Variants in TMPRSS3 observed in about 807,000 individuals in gnomAD.
TMPRSS3 encodes transmembrane serine protease 3.
TMPRSS3 carries 55 observed loss-of-function variants against 59.6 expected under a neutral mutation model. That is an observed-to-expected ratio of 0.92 (90% CI 0.74 to 1.16). TMPRSS3 has a LOEUF of 1.16. TMPRSS3 is among the 50% of genes most tolerant of loss of function. TMPRSS3 has a pLI of 0.00. For missense variants in TMPRSS3, 596 were observed against 579.4 expected (o/e 1.03, Z -0.29); for synonymous variants, 257 against 237.7 (o/e 1.08, Z -0.75).
chr21:42,389,055 G>T lies in TMPRSS3; in HGVS notation c.206-10C>A. On this transcript the variant is annotated splice_polypyrimidine_tract_variant and intron_variant, in intron 3 of 12. Transcript: ENST00000644384. Reference sequence around the variant, plus strand: ...GAGCAGTCGAAGTGGACTGGGAAAAGGGAGGAAGGCAGGAATTAACCAACA... The same window carrying T: ...GAGCAGTCGAAGTGGACTGGGAAAATGGAGGAAGGCAGGAATTAACCAACA... The T allele has an allele frequency of 6.2e-7, 1 of 1,614,026 alleles. No individual in the cohort carries two copies. Among genetic ancestry groups the T allele is most frequent in the Non-Finnish European group, 8.5e-7 (1 of 1,180,008 alleles).
intron 3 of TMPRSS3, 156 bp from the exon 4 acceptor site, chr21:42,389,201 G>T: frequency 1.3e-6 from 2 of 1,488,870 alleles, no homozygotes; most frequent in Non-Finnish European, 1.8e-6. Flanking sequence ...CTGCAGCCCA[G>T]TTTCTGTTTT....
intron 9 of TMPRSS3, among the ~76,000 whole-genome samples, chr21:42,381,386 G>A (rs897314405): frequency 6.6e-6 from 1 of 152,154 alleles, no homozygotes; most frequent in Non-Finnish European, 1.5e-5. Flanking sequence ...AGAAATGAGA[G>A]GACTCCACCA....
intron 7 of TMPRSS3, 73 bp from the exon 8 acceptor site, chr21:42,383,271 A>C: frequency 2.0e-6 from 3 of 1,509,408 alleles, no homozygotes; most frequent in Admixed American, 1.7e-5. Context: ...ACCACCATGC[A>C]CCTGCTCCTC....
intron 2 of TMPRSS3, among the ~76,000 whole-genome samples, chr21:42,392,146 G>T (rs1224794538): frequency 3.3e-5 from 5 of 152,216 alleles, no homozygotes; most frequent in African/African-American, 1.2e-4. Flanking sequence ...TCTTGGACAT[G>T]TTGAGCCGAG....
At position 42,385,846 on chromosome 21, in the gene TMPRSS3, G is replaced by A. The variant is rs117128071; in HGVS notation, c.447-312C>T. 5.9e-5 allele frequency among the ~76,000 whole-genome samples: 9 copies of A among 152,264 alleles called. No homozygotes were observed. The East Asian group carries it at 1.4e-3, about 23-fold the overall frequency. ...TGTCCTTGGTTGAGTCACTCTTTGC[G>A]CATTCCAGTGAAATGCCTTTTGCTT... On this transcript the variant is annotated intron_variant, in intron 5 of 12. Coordinates refer to ENST00000644384, the MANE Select transcript of TMPRSS3 (RefSeq NM_001256317.3).
chr21:42,394,841 A>T (rs2052781545), intron 2 of TMPRSS3, among the ~76,000 whole-genome samples: 1 of 152,222 alleles, frequency 6.6e-6, no homozygotes, highest in Non-Finnish European at 1.5e-5. Context: ...TTTATCAGGC[A>T]TTTGTGACTT....
chr21:42,391,229 G>T (rs1014307285), intron 2 of TMPRSS3, among the ~76,000 whole-genome samples: 3 of 152,208 alleles, frequency 2.0e-5, no homozygotes, highest in African/African-American at 7.2e-5. Context: ...TTTTCTTATA[G>T]AGATGGGGAT....
intron 1 of TMPRSS3, 87 bp downstream of exon 1, chr21:42,395,855 A>T: frequency 2.2e-6 from 1 of 456,236 alleles, no homozygotes; most frequent in Admixed American, 2.4e-5. Context: ...CTTTTTTGCG[A>T]TTGTTTTCAC....
At position 42,395,475 on chromosome 21, in the gene TMPRSS3, C is replaced by A. The variant is rs4920100; in HGVS notation, c.-51-7G>T. 1.1e-5 allele frequency: 15 copies of A among 1,405,216 alleles called. No homozygotes were observed. The highest frequency in any genetic ancestry group is 1.0e-4 in the Admixed American group (6 of 58,432). The allele number at this position is 1,405,216 out of a possible 1,614,324, so 87.0% of individuals were successfully genotyped here. ...CCGCCTCCACCTCTACCTCCTTAGC[C>A]GAGGAAGAACAGAAAGCATTTGTTC... On this transcript the variant is annotated splice_polypyrimidine_tract_variant and splice_region_variant and intron_variant, in intron 1 of 12. Transcript: ENST00000644384.
At position 42,372,547 on chromosome 21, in the gene TMPRSS3, G is replaced by A. The variant is rs776179259; in HGVS notation, c.*215C>T. 4.1e-5 allele frequency: 28 copies of A among 684,598 alleles called. No homozygotes were observed. Among genetic ancestry groups the A allele is most frequent in the Middle Eastern group, 3.8e-4 (1 of 2,632 alleles). 42.4% of individuals were successfully genotyped at this position (684,598 alleles called of 1,614,324 possible). On this transcript the variant is annotated 3_prime_UTR_variant, in exon 13 of 13. Coordinates refer to ENST00000644384, the MANE Select transcript of TMPRSS3 (RefSeq NM_001256317.3). ...TGCACTCCAGCCTGGGCAACAGAGCGAGACTCCATCTCAAAAAAACAAAAA... is the reference window on the plus strand; with the variant it reads ...TGCACTCCAGCCTGGGCAACAGAGCAAGACTCCATCTCAAAAAAACAAAAA...
intron 5 of TMPRSS3, among the ~76,000 whole-genome samples, chr21:42,387,630 T>C (rs2052657776): frequency 6.6e-6 from 1 of 152,110 alleles, no homozygotes; most frequent in Non-Finnish European, 1.5e-5. Flanking sequence ...ACTGAGACTC[T>C]GTGGAGGACT....
intron 2 of TMPRSS3, among the ~76,000 whole-genome samples, chr21:42,394,785 TG>T (rs1220495441): frequency 6.6e-6 from 1 of 152,218 alleles, no homozygotes; most frequent in Non-Finnish European, 1.5e-5. Context: ...TGACTATCTC[TG>T]GTCAAAAAGA....
chr21:42,376,766 T>G (rs2052437573), intron 10 of TMPRSS3, 83 bp from the exon 11 acceptor site: 5 of 1,599,544 alleles, frequency 3.1e-6, no homozygotes, highest in Non-Finnish European at 4.3e-6. Flanking sequence ...ACCAGGGGGG[T>G]GAGGGAACGA....
chr21:42,378,197 C>T (rs1047347879), intron 10 of TMPRSS3, among the ~76,000 whole-genome samples: 10 of 152,366 alleles, frequency 6.6e-5, no homozygotes, highest in Non-Finnish European at 1.0e-4. Context: ...TGAGTGCCCT[C>T]GGCCAGGTGG....
intron 8 of TMPRSS3, 81 bp from the exon 9 acceptor site, chr21:42,382,315 A>G: frequency 1.5e-6 from 2 of 1,313,080 alleles, no homozygotes; most frequent in Non-Finnish European, 1.1e-6. Context: ...CTGAAAACCT[A>G]GGAAGATGGT....
At position 42,383,926 on chromosome 21, in the gene TMPRSS3, A is replaced by T. The variant is rs753256382; in HGVS notation, c.616+44T>A. The T allele has an allele frequency of 8.1e-6, 13 of 1,605,720 alleles. No homozygotes were observed. The Admixed American group carries it at 2.0e-4, about 25-fold the overall frequency. ...TGAGGGCAAGGAGATAGGACTTAGC[A>T]TGTGCTTGCTCCCCCTGGACCCCTG... On this transcript the variant is annotated intron_variant, in intron 7 of 12. Coordinates refer to ENST00000644384, the MANE Select transcript of TMPRSS3 (RefSeq NM_001256317.3).
At chr21:42,382,036 T>C (rs765982219) in intron 9 of TMPRSS3, 29 bp downstream of exon 9, 5 of 1,614,182 alleles carry the variant, frequency 3.1e-6, no homozygotes, top group Non-Finnish European at 3.4e-6. Flanking sequence ...AAGGAAGAGC[T>C]GCAGAACCAC....
chr21:42,384,966 A>G (rs2052600482), intron 6 of TMPRSS3, among the ~76,000 whole-genome samples: 1 of 143,468 alleles, frequency 7.0e-6, no homozygotes, highest in South Asian at 2.3e-4. Flanking sequence ...ATGCTAAAAT[A>G]CTTCGTAAAC....
chr21:42,384,034 G>C, intron 6 of TMPRSS3, 21 bp from the exon 7 acceptor site: 1 of 1,613,394 alleles, frequency 6.2e-7, no homozygotes. Flanking sequence ...GAAAAAGTAG[G>C]CTCTGTGAAA....
Sources: gnomAD v4.1 joint callset for allele counts (sites outside exome capture counted in the v4.1 genomes callset) on GRCh38, gnomAD v4.1.1 for gene constraint, MANE v1.5 for transcripts, NCBI Gene and HGNC (gene_info 2026-07-23, HGNC 2026-07-21) for gene names.